The following PRKD1 variants were observed in gnomAD, a reference collection of about 807,000 sequenced individuals.
The protein encoded by PRKD1 is protein kinase D1, also known as serine/threonine-protein kinase D1.
A neutral mutation model predicts 95.9 loss-of-function variants in PRKD1; 63 were observed. That is an observed-to-expected ratio of 0.66 (90% CI 0.54 to 0.81). The LOEUF is 0.81. PRKD1 is among the 30% of genes least tolerant of loss of function. PRKD1 has a pLI of 0.00. For missense variants in PRKD1, 1,048 were observed against 1,165.3 expected (o/e 0.90, Z 1.47); for synonymous variants, 425 against 423.1 (o/e 1.00, Z -0.05).
chr14:29,649,517 G>A (rs190416122), intron 4 of PRKD1, among the ~76,000 whole-genome samples: 3 of 150,412 alleles, frequency 2.0e-5, no homozygotes, highest in Non-Finnish European at 3.0e-5. Context: ...TTTTTGGCTC[G>A]AGCTGCGAGA....
intron 3 of PRKD1, among the ~76,000 whole-genome samples, chr14:29,664,945 C>T (rs1053100169): frequency 6.6e-6 from 1 of 152,142 alleles, no homozygotes; most frequent in South Asian, 2.1e-4. Flanking sequence ...GTCTACTATT[C>T]CAATTTCTGA....
chr14:29,723,008 A>G (rs1885973384), intron 2 of PRKD1, among the ~76,000 whole-genome samples: 1 of 152,218 alleles, frequency 6.6e-6, no homozygotes, highest in South Asian at 2.1e-4. Context: ...GTAGGAGAAG[A>G]GGAGTGCTAC....
At chr14:29,777,100 A>G (rs1888798191) in intron 1 of PRKD1, among the ~76,000 whole-genome samples, 1 of 152,232 alleles carries the variant, frequency 6.6e-6, no homozygotes, top group Non-Finnish European at 1.5e-5. Context: ...ATGCTGAGAG[A>G]TTTTGTCACC....
intron 1 of PRKD1, among the ~76,000 whole-genome samples, chr14:29,858,815 T>C (rs1038733587): frequency 6.6e-6 from 1 of 152,098 alleles, no homozygotes. Context: ...TCTTTTTCCA[T>C]AGGAAAAACA....
chr14:29,627,745 T>C (rs1879719713), intron 11 of PRKD1, among the ~76,000 whole-genome samples: 1 of 152,124 alleles, frequency 6.6e-6, no homozygotes, highest in African/African-American at 2.4e-5. Flanking sequence ...CCATATCCTA[T>C]AAACCCTTAT....
At chr14:29,705,045 C>T (rs1485896538) in intron 2 of PRKD1, among the ~76,000 whole-genome samples, 2 of 152,104 alleles carry the variant, frequency 1.3e-5, no homozygotes, top group East Asian at 3.9e-4. Flanking sequence ...CTCTGCTTCA[C>T]AGAAGCAAAG....
intron 2 of PRKD1, among the ~76,000 whole-genome samples, chr14:29,718,002 A>C (rs1349318763): frequency 6.6e-6 from 1 of 152,194 alleles, no homozygotes; most frequent in Non-Finnish European, 1.5e-5. Context: ...GTGAGGAAGA[A>C]GTGCACCAAG....
intron 1 of PRKD1, among the ~76,000 whole-genome samples, chr14:29,870,612 C>T (rs928337918): frequency 1.3e-5 from 2 of 152,172 alleles, no homozygotes; most frequent in Non-Finnish European, 2.9e-5. Context: ...AAATTCCTTT[C>T]ATTTGCTTTG....
chr14:29,651,650 CT>C (rs35604605), intron 4 of PRKD1, among the ~76,000 whole-genome samples: 5,535 of 144,436 alleles, frequency 0.038, 285 homozygotes, highest in African/African-American at 0.12. Context: ...AGAAATCTTT[CT>C]TTTTTTTTTT....
intron 16 of PRKD1, among the ~76,000 whole-genome samples, chr14:29,584,748 C>T (rs1286637379): frequency 3.9e-5 from 6 of 152,266 alleles, no homozygotes; most frequent in African/African-American, 1.4e-4. Flanking sequence ...GATGGTAGGG[C>T]ATCACAACTC....
At chr14:29,804,647 A>T (rs183204756) in intron 1 of PRKD1, among the ~76,000 whole-genome samples, 1 of 152,292 alleles carries the variant, frequency 6.6e-6, no homozygotes, top group Admixed American at 6.5e-5. Context: ...AACAAAGTGA[A>T]CAGTTAAAAA....
At chr14:29,721,819 T>C (rs1885911058) in intron 2 of PRKD1, among the ~76,000 whole-genome samples, 2 of 152,182 alleles carry the variant, frequency 1.3e-5, no homozygotes, top group South Asian at 4.1e-4. Context: ...GTTATTTTTT[T>C]CCTCAATAAC....
chr14:29,793,726 T>C (rs1171450411), intron 1 of PRKD1, among the ~76,000 whole-genome samples: 5 of 152,020 alleles, frequency 3.3e-5, no homozygotes, highest in Non-Finnish European at 7.4e-5. Context: ...GAATAAACAG[T>C]GGATTTTAAA....
intron 1 of PRKD1, among the ~76,000 whole-genome samples, chr14:29,876,938 G>C (rs1893317661): frequency 6.6e-6 from 1 of 152,094 alleles, no homozygotes; most frequent in African/African-American, 2.4e-5. Context: ...GATCATTTGA[G>C]GCCAGGAGTT....
intron 1 of PRKD1, among the ~76,000 whole-genome samples, chr14:29,808,373 CTTTTTTTTTTTTTTTTTTTTTTTTTTTTT>C (rs34250184): frequency 0.027 from 541 of 20,038 alleles, 18 homozygotes; most frequent in African/African-American, 0.077. Context: ...TCAGGCTCTA[CTTTTTTTTTTTTTTTTTTTTTTTTTTTTT>C]TTTTTTTTTT....
At chr14:29,644,784 T>C (rs1881020088) in intron 4 of PRKD1, among the ~76,000 whole-genome samples, 1 of 152,088 alleles carries the variant, frequency 6.6e-6, no homozygotes, top group Non-Finnish European at 1.5e-5. Flanking sequence ...ATAAATAAAC[T>C]ATACATTTTA....
intron 1 of PRKD1, among the ~76,000 whole-genome samples, chr14:29,823,554 T>TATAG (rs1308233536): frequency 1.3e-5 from 2 of 152,180 alleles, no homozygotes; most frequent in African/African-American, 4.8e-5. Context: ...ATGAATACTA[T>TATAG]ATTGCCACTT....
intron 4 of PRKD1, among the ~76,000 whole-genome samples, chr14:29,653,402 A>C (rs1189791166): frequency 6.6e-6 from 1 of 152,124 alleles, no homozygotes; most frequent in Non-Finnish European, 1.5e-5. Flanking sequence ...ATTAGTAGAT[A>C]CCTCCTTAAA....
intron 1 of PRKD1, among the ~76,000 whole-genome samples, chr14:29,802,683 C>T (rs148950819): frequency 3.3e-5 from 5 of 152,300 alleles, no homozygotes; most frequent in African/African-American, 9.6e-5. Context: ...ATCAAATTAT[C>T]CAAGGAAAAG....
Sources: gnomAD v4.1 joint callset for allele counts (sites outside exome capture counted in the v4.1 genomes callset) on GRCh38, gnomAD v4.1.1 for gene constraint, MANE v1.5 for transcripts, NCBI Gene and HGNC (gene_info 2026-07-23, HGNC 2026-07-21) for gene names.